SELENOO: variants seen among roughly 807,000 people sequenced by gnomAD.
SELENOO encodes protein adenylyltransferase SelO, mitochondrial.
In SELENOO, 74 loss-of-function variants were observed where a neutral mutation model predicts 58.7. That is an observed-to-expected ratio of 1.26 (90% CI 1.04 to 1.53). The LOEUF (loss-of-function observed/expected upper bound fraction) is 1.53. Among genes scored for constraint, SELENOO ranks in the 40% most tolerant of loss-of-function variants. SELENOO has a pLI of 0.00. For missense variants in SELENOO, 1,149 were observed against 970.0 expected (o/e 1.18, Z -2.45); for synonymous variants, 543 against 453.2 (o/e 1.20, Z -2.52).
chr22:50,210,631 G>A lies in SELENOO; in HGVS notation c.1071G>A (p.Arg357=). 1 of 1,612,830 alleles carries A rather than the reference G, an allele frequency of 6.2e-7. No individual in the cohort carries two copies. Among genetic ancestry groups the A allele is most frequent in the South Asian group, 1.1e-5 (1 of 91,076 alleles). The change falls in exon 5 of 9, where the codon AGG becomes AGA. Residue 357 remains arginine (R), a splice_region_variant and synonymous_variant. Transcript: ENST00000380903. The stretch of plus-strand genomic sequence containing the variant: ...GTGGCTCTCTTGCCCCGTGTGGCAG[G>A]TACGACCCCGACCACGTGTGCAATG... The part of the protein sequence containing the change: ...IDYGPFGFLD[R]YDPDHVCNAS...
intron 5 of SELENOO, 44 bp downstream of exon 5, chr22:50,210,955 G>C (rs202186027): frequency 6.2e-7 from 1 of 1,608,230 alleles, no homozygotes; most frequent in African/African-American, 1.3e-5. Flanking sequence ...CTCCCGTGCT[G>C]TTGTGCTTAG....
At chr22:50,213,331 C>T (rs1219572834) in intron 5 of SELENOO, among the ~76,000 whole-genome samples, 1 of 151,734 alleles carries the variant, frequency 6.6e-6, no homozygotes, top group African/African-American at 2.4e-5. Context: ...TGCTGGGATT[C>T]TGGGGATGAG....
intron 6 of SELENOO, among the ~76,000 whole-genome samples, chr22:50,216,252 C>A (rs771289139): frequency 1.2e-4 from 18 of 152,232 alleles, no homozygotes; most frequent in Non-Finnish European, 2.5e-4. Flanking sequence ...AATATTGTTG[C>A]TTTAACTTAA....
At chr22:50,201,703 C>T (rs1167477590) in intron 1 of SELENOO, 113 bp downstream of exon 1, 10 of 774,442 alleles carry the variant, frequency 1.3e-5, no homozygotes, top group Non-Finnish European at 1.7e-5. Flanking sequence ...TGGGGCCTCC[C>T]CTGCACCCGC....
rs1211155589 is a variant in SELENOO at position 50,201,299 on chromosome 22, C to G, written c.263C>G (p.Thr88Ser). 9.1e-7 allele frequency: 1 copy of G among 1,100,704 alleles called. No individual in the cohort carries two copies. Among genetic ancestry groups the G allele is most frequent in the Admixed American group, 5.1e-5 (1 of 19,472 alleles). The allele number at this position is 1,100,704 out of a possible 1,614,324, so 68.2% of individuals were successfully genotyped here. A position where few individuals can be genotyped will look rare whatever the true frequency, so the allele number is the denominator to read the frequency against. The change falls in exon 1 of 9, where the codon ACC becomes AGC. Residue 88 changes from threonine to serine, a missense_variant. Transcript: ENST00000380903. ...PGACFTRVQP[T>S]PLRQPRLVAL... Reference sequence around the variant, plus strand: ...GCCTGCTTCACCCGCGTGCAGCCCACCCCGCTGCGGCAGCCGCGCCTCGTG... The same window carrying G: ...GCCTGCTTCACCCGCGTGCAGCCCAGCCCGCTGCGGCAGCCGCGCCTCGTG...
chr22:50,204,328 C>T lies in SELENOO; in HGVS notation c.555-1989C>T, dbSNP rs542708415. On this transcript the variant is annotated intron_variant, in intron 1 of 8. Coordinates refer to ENST00000380903, the MANE Select transcript of SELENOO (RefSeq NM_031454.2). ...CCTGGGCGACAGGGCAAGACTGTCT[C>T]GGAAAAATAAAAGGTTGGTCGGGCA... Among the ~76,000 whole-genome samples the T allele has an allele frequency of 4.2e-4, 64 of 151,986 alleles. 1 individual carries two copies. In the South Asian group the frequency reaches 7.9e-3, roughly 19 times the overall value.
At chr22:50,203,269 C>T (rs1257904585) in intron 1 of SELENOO, among the ~76,000 whole-genome samples, 1 of 151,916 alleles carries the variant, frequency 6.6e-6, no homozygotes. Context: ...TGCAGCTACT[C>T]AGGAGACTGA....
In SELENOO at chr22:50,210,277, A is replaced by T. The variant is rs781645771; in HGVS notation, c.1036A>T (p.Thr346Ser). ...NTDNMSILGLTIDYGPFGFLD... is the reference protein window; with the variant it reads ...NTDNMSILGLSIDYGPFGFLD... ...CGACAACATGAGCATCCTGGGGCTCACCATCGACTACGGGCCCTTTGGCTT... is the reference window on the plus strand; with the variant it reads ...CGACAACATGAGCATCCTGGGGCTCTCCATCGACTACGGGCCCTTTGGCTT... The change falls in exon 4 of 9, where the codon ACC (threonine) becomes TCC (serine). Residue 346 changes from threonine to serine, a missense_variant. By Grantham distance (58) the Thr-to-Ser change is moderately conservative (BLOSUM62 1). Coordinates refer to ENST00000380903, the MANE Select transcript of SELENOO (RefSeq NM_031454.2). The T allele has an allele frequency of 6.2e-7, 1 of 1,613,316 alleles. No homozygotes were observed. The highest frequency in any genetic ancestry group is 8.5e-7 in the Non-Finnish European group (1 of 1,179,912).
At chr22:50,209,598 G>C (rs1018724395) in intron 3 of SELENOO, 2 of 152,822 alleles carry the variant, frequency 1.3e-5, no homozygotes, top group African/African-American at 4.8e-5. Flanking sequence ...TGCCAGTGAC[G>C]CAGGGAGACG....
intron 6 of SELENOO, 32 bp from the exon 7 acceptor site, chr22:50,216,659 G>C: frequency 1.3e-6 from 2 of 1,545,330 alleles, no homozygotes; most frequent in Non-Finnish European, 1.7e-6. Context: ...ACGGTCAGGG[G>C]CTACCTCCCA....
rs775496573 is a variant in SELENOO at position 50,210,239 on chromosome 22, G to A, written c.998G>A (p.Gly333Asp). 1 of 1,613,506 alleles carries A rather than the reference G, an allele frequency of 6.2e-7. No individual in the cohort carries two copies. Among genetic ancestry groups the A allele is most frequent in the East Asian group, 2.2e-5 (1 of 44,870 alleles). ...AEWQCVGFCH[G>D]VLNTDNMSIL... is the part of the protein sequence containing the mutation. ...TGGCAGTGTGTGGGCTTCTGCCACG[G>A]CGTGCTCAACACCGACAACATGAGC... The change falls in exon 4 of 9, where the codon GGC (glycine) becomes GAC (aspartate). Residue 333 changes from glycine to aspartate, a missense_variant. Gly to Asp is a moderately conservative substitution (Grantham distance 94). Coordinates refer to ENST00000380903, the MANE Select transcript of SELENOO (RefSeq NM_031454.2).
chr22:50,208,210 T>C (rs1233172639), intron 2 of SELENOO, among the ~76,000 whole-genome samples: 1 of 152,092 alleles, frequency 6.6e-6, no homozygotes, highest in Non-Finnish European at 1.5e-5. Context: ...GGCGGGTGGA[T>C]CACGAGGTCA....
At chr22:50,212,387 G>A (rs181852235) in intron 5 of SELENOO, among the ~76,000 whole-genome samples, 6 of 152,262 alleles carry the variant, frequency 3.9e-5, no homozygotes, top group Non-Finnish European at 7.4e-5. Flanking sequence ...AATTTTCTGT[G>A]TCAGGTAGTT....
chr22:50,213,402 C>G (rs919359522), intron 5 of SELENOO, among the ~76,000 whole-genome samples: 6 of 152,124 alleles, frequency 3.9e-5, no homozygotes, highest in African/African-American at 1.4e-4. Flanking sequence ...TCCATTGTGA[C>G]TAGAGATGTC....
intron 8 of SELENOO, 35 bp downstream of exon 8, chr22:50,217,163 G>C (rs746990722): frequency 1.2e-6 from 2 of 1,611,050 alleles, no homozygotes; most frequent in Admixed American, 1.7e-5. Context: ...TCCCTGGGAG[G>C]GGGGTCGGCC....
chr22:50,206,273 AC>A, intron 1 of SELENOO, 43 bp from the exon 2 acceptor site: 1 of 1,552,386 alleles, frequency 6.4e-7, no homozygotes, highest in Non-Finnish European at 8.9e-7. Context: ...GTGTTGGGTG[AC>A]CTCCTGACCG....
chr22:50,202,213 T>A (rs924884053), intron 1 of SELENOO, among the ~76,000 whole-genome samples: 1 of 74,546 alleles, frequency 1.3e-5, no homozygotes, highest in African/African-American at 5.2e-5. Flanking sequence ...TGTGAATGAC[T>A]AGGAAAGTGT....
At chr22:50,204,065 G>A (rs752784396) in intron 1 of SELENOO, among the ~76,000 whole-genome samples, 6 of 152,208 alleles carry the variant, frequency 3.9e-5, no homozygotes, top group East Asian at 3.8e-4. Flanking sequence ...CAATAAGCAC[G>A]TGAAGAGTTT....
At chr22:50,211,299 G>A (rs891031704) in intron 5 of SELENOO, among the ~76,000 whole-genome samples, 1 of 152,178 alleles carries the variant, frequency 6.6e-6, no homozygotes, top group African/African-American at 2.4e-5. Flanking sequence ...TGTGTGTTGT[G>A]TGCCGTGCTG....
Sources: gnomAD v4.1 joint callset for allele counts (sites outside exome capture counted in the v4.1 genomes callset) on GRCh38, gnomAD v4.1.1 for gene constraint, MANE v1.5 for transcripts, NCBI Gene and HGNC (gene_info 2026-07-23, HGNC 2026-07-21) for gene names.